Variants in CEP170B observed in about 807,000 individuals in gnomAD.
CEP170B encodes the protein centrosomal protein of 170 kDa protein B.
CEP170B carries 55 observed loss-of-function variants against 120.6 expected under a neutral mutation model. The ratio of observed to expected loss-of-function variants is 0.46; its 90% CI spans 0.37 to 0.57. The LOEUF (loss-of-function observed/expected upper bound fraction) is 0.57. CEP170B is among the 20% of genes least tolerant of loss of function. The pLI is 0.00. For synonymous variants in CEP170B, 1,033 were observed against 954.5 expected, an observed-to-expected ratio of 1.08 and a Z score of -1.52; for missense variants, 2,212 against 2,253.3, an observed-to-expected ratio of 0.98 and a Z score of 0.37.
intron 2 of CEP170B, among the ~76,000 whole-genome samples, chr14:104,869,217 C>T (rs1358239021): frequency 6.6e-6 from 1 of 152,224 alleles, no homozygotes; most frequent in Non-Finnish European, 1.5e-5. Flanking sequence ...CCATCCTGGC[C>T]TGATGTCCTT....
intron 4 of CEP170B, 147 bp downstream of exon 4, chr14:104,878,110 T>C: frequency 1.5e-6 from 1 of 688,840 alleles, no homozygotes; most frequent in African/African-American, 1.8e-5. Context: ...GGGCTCCACC[T>C]GCTGATGGAG....
chr14:104,891,811 G>T lies in CEP170B; in HGVS notation c.3879-1165G>T, dbSNP rs904893515. ...GGGAGTGCTGGGCGGGGGCCTGAGGGCCAGGGGCATGTGCCAGTTGGTGTC... is the reference window on the plus strand; with the variant it reads ...GGGAGTGCTGGGCGGGGGCCTGAGGTCCAGGGGCATGTGCCAGTTGGTGTC... On this transcript the variant is annotated intron_variant, in intron 13 of 18. Coordinates refer to ENST00000414716, the MANE Select transcript of CEP170B (RefSeq NM_001112726.3). The surrounding 1 kb of genome is among the most constrained non-coding windows in gnomAD (Gnocchi z 4.3). Among the ~76,000 whole-genome samples the T allele has an allele frequency of 2.0e-5, 3 of 152,130 alleles. No individual in the cohort carries two copies. The highest frequency in any genetic ancestry group is 7.2e-5 in the African/African-American group (3 of 41,408).
Position 104,886,832 on chromosome 14 carries a change from C to T in CEP170B, c.2593C>T (p.Arg865Trp), listed in dbSNP as rs562413639. The change falls in exon 12 of 19, where the codon CGG becomes TGG. Residue 865 changes from arginine (R) to tryptophan (W), a missense_variant. By Grantham distance (101) the Arg-to-Trp change is moderately radical (BLOSUM62 -3). This residue lies in a region of CEP170B where 2,166 missense variants were observed against 2,166.7 expected (regional missense o/e 1.00). Coordinates refer to ENST00000414716, the MANE Select transcript of CEP170B (RefSeq NM_001112726.3). ...EPDGPAPAFL[R>W]QESFTKEPAS... is the part of the protein sequence containing the mutation. ...CGACGGCCCTGCCCCAGCCTTTCTC[C>T]GGCAAGAGAGCTTCACTAAGGAGCC... 1.6e-5 allele frequency: 26 copies of T among 1,611,146 alleles called. No individual in the cohort carries two copies. The highest frequency in any genetic ancestry group is 2.2e-5 in the South Asian group (2 of 91,084).
At chr14:104,877,649 C>T (rs1203638635) in intron 3 of CEP170B, among the ~76,000 whole-genome samples, 1 of 152,184 alleles carries the variant, frequency 6.6e-6, no homozygotes, top group Non-Finnish European at 1.5e-5. Context: ...ATCATGGTCC[C>T]TGCAGTGCTG....
At chr14:104,877,858 C>CA in intron 3 of CEP170B, 27 bp from the exon 4 acceptor site, 2 of 975,090 alleles carry the variant, frequency 2.1e-6, no homozygotes, top group East Asian at 6.7e-5. Context: ...AGCTCCCCCC[C>CA]CCCCCCCGCC....
chr14:104,879,559 C>T (rs954202009), intron 5 of CEP170B, among the ~76,000 whole-genome samples: 7 of 152,194 alleles, frequency 4.6e-5, no homozygotes, highest in Non-Finnish European at 7.3e-5. Context: ...GATCTCCTCC[C>T]GCACTGCCCG....
intron 13 of CEP170B, among the ~76,000 whole-genome samples, chr14:104,890,114 A>G (rs1201379643): frequency 8.7e-5 from 5 of 57,510 alleles, no homozygotes; most frequent in Admixed American, 1.9e-4. Flanking sequence ...GGGTGGGTGG[A>G]TGGATGGATG....
intron 12 of CEP170B, among the ~76,000 whole-genome samples, chr14:104,888,910 C>T (rs917530178): frequency 2.0e-5 from 3 of 152,236 alleles, no homozygotes; most frequent in Non-Finnish European, 4.4e-5. Flanking sequence ...TGTCCCTACC[C>T]GACGTGGTGC....
intron 2 of CEP170B, among the ~76,000 whole-genome samples, chr14:104,872,362 CGT>C (rs561955713): frequency 0.033 from 1,626 of 49,520 alleles, 151 homozygotes; most frequent in Middle Eastern, 0.053. Flanking sequence ...GTGTGTGCCG[CGT>C]GTGTGTGCCA....
chr14:104,887,046 A>T lies in CEP170B; in HGVS notation c.2807A>T (p.Glu936Val). The change falls in exon 12 of 19, where the codon GAG (glutamate) becomes GTG (valine). Residue 936 changes from glutamate (E) to valine (V), a missense_variant. Transcript: ENST00000414716. ...CTCCTCTCTAATTCTGTGGATGCCG[A>T]GTGTGAGGGGGGCAGCACCCCGAGG... ...ARLLSNSVDA[E>V]CEGGSTPRPP... The T allele has an allele frequency of 1.2e-6, 2 of 1,611,350 alleles. No homozygotes were observed. Among genetic ancestry groups the T allele is most frequent in the Admixed American group, 3.3e-5 (2 of 60,022 alleles).
At chr14:104,871,177 A>T (rs1895464704) in intron 2 of CEP170B, among the ~76,000 whole-genome samples, 1 of 151,998 alleles carries the variant, frequency 6.6e-6, no homozygotes, top group South Asian at 2.1e-4. Flanking sequence ...TGCTTCCCCG[A>T]GGCCCTATCC....
At position 104,870,209 on chromosome 14, in the gene CEP170B, C is replaced by T. The variant is rs1262757702; in HGVS notation, c.105+1654C>T. ...GGGGCAGCCAGGGAGCGAGCGTGGG[C>T]GACCGAGGTGGGCGCGGCAGCACCT... On this transcript the variant is annotated intron_variant, in intron 2 of 18. Coordinates refer to ENST00000414716, the MANE Select transcript of CEP170B (RefSeq NM_001112726.3). The surrounding 1 kb of genome is among the most constrained non-coding windows in gnomAD (Gnocchi z 4.1). Among the ~76,000 whole-genome samples, 2 of 152,206 alleles carry T rather than the reference C, an allele frequency of 1.3e-5. No individual in the cohort carries two copies. The highest frequency in any genetic ancestry group is 1.9e-4 in the East Asian group (1 of 5,184).
intron 13 of CEP170B, among the ~76,000 whole-genome samples, chr14:104,890,598 G>C (rs1184809855): frequency 8.3e-6 from 1 of 120,242 alleles, no homozygotes; most frequent in Non-Finnish European, 1.7e-5. Flanking sequence ...GGGTGAGTGA[G>C]TGGGTGGATG....
intron 6 of CEP170B, among the ~76,000 whole-genome samples, chr14:104,881,337 A>G (rs947988059): frequency 6.6e-6 from 1 of 152,026 alleles, no homozygotes; most frequent in African/African-American, 2.4e-5. Flanking sequence ...TTCTGGTTAG[A>G]CAGGGGTGTA....
chr14:104,878,026 C>G, intron 4 of CEP170B, 63 bp downstream of exon 4: 4 of 1,315,212 alleles, frequency 3.0e-6, no homozygotes, highest in Non-Finnish European at 3.2e-6. Flanking sequence ...CCACAGTCAC[C>G]CTGTTACTCC....
intron 6 of CEP170B, among the ~76,000 whole-genome samples, chr14:104,881,161 A>C (rs1020962759): frequency 2.6e-5 from 4 of 152,150 alleles, no homozygotes; most frequent in Non-Finnish European, 5.9e-5. Flanking sequence ...CGCCTTTGGC[A>C]GTCAGTGCAG....
chr14:104,886,792 A>G lies in CEP170B; in HGVS notation c.2553A>G (p.Gly851=). 3.1e-6 allele frequency: 5 copies of G among 1,611,546 alleles called. No individual in the cohort carries two copies. Among genetic ancestry groups the G allele is most frequent in the Non-Finnish European group, 2.5e-6 (3 of 1,179,806 alleles). Residue 851 remains glycine (G), a synonymous_variant, in exon 12 of 19, where the codon GGA becomes GGG. Coordinates refer to ENST00000414716, the MANE Select transcript of CEP170B (RefSeq NM_001112726.3). ...GAATGGTCATCCAGCTACGGCCTGGACGGTCCCCAGAACCCGACGGCCCTG... is the reference window on the plus strand; with the variant it reads ...GAATGGTCATCCAGCTACGGCCTGGGCGGTCCCCAGAACCCGACGGCCCTG... ...NGRMVIQLRP[G]RSPEPDGPAP...
rs375279602 is a variant in CEP170B, at chr14:104,884,682, G to A, written c.1770+133G>A. 171 of 474,008 alleles carry A rather than the reference G, an allele frequency of 3.6e-4. 2 individuals carry two copies. The East Asian group carries it at 4.5e-3, about 12-fold the overall frequency. 29.4% of individuals were successfully genotyped at this position (474,008 alleles called of 1,614,324 possible). A position where few individuals can be genotyped will look rare whatever the true frequency, so the allele number is the denominator to read the frequency against. On this transcript the variant is annotated intron_variant, in intron 9 of 18. Transcript: ENST00000414716. ...CCGGGGGTGGCGAGTGAGAGCCCTC[G>A]TGGGGAACGGGGGGTGGAGGTGATG... is the stretch of plus-strand genomic sequence containing the variant.
intron 14 of CEP170B, 135 bp downstream of exon 14, chr14:104,893,270 C>T: frequency 8.4e-7 from 1 of 1,192,052 alleles, no homozygotes; most frequent in Non-Finnish European, 1.1e-6. Flanking sequence ...GAACATGTCC[C>T]CCTGGGTCAG....
Sources: allele counts gnomAD v4.1 joint callset (sites outside exome capture counted in the v4.1 genomes callset), GRCh38; gene constraint gnomAD v4.1.1; regional missense constraint gnomAD v4.1.1; non-coding constraint Gnocchi (gnomAD v3.1); transcripts MANE v1.5; gene names NCBI Gene and HGNC (gene_info 2026-07-23, HGNC 2026-07-21).